The following CYP2B6 variants were observed in gnomAD, a reference collection of about 807,000 sequenced individuals.
CYP2B6 encodes cytochrome P450 2B6.
In CYP2B6, 35 loss-of-function variants were observed where a neutral mutation model predicts 43.4. The ratio of observed to expected loss-of-function variants is 0.81; its 90% CI spans 0.62 to 1.07. The LOEUF (loss-of-function observed/expected upper bound fraction) is 1.07, where lower values mean the gene tolerates loss of function less well. Among genes scored for constraint, CYP2B6 ranks in the 50% least tolerant of loss-of-function variants. CYP2B6 has a pLI of 0.00. For missense variants in CYP2B6, 624 were observed against 632.8 expected (o/e 0.99, Z 0.15); for synonymous variants, 239 against 239.2 (o/e 1.00, Z 0.01).
In CYP2B6 at chr19:40,991,431, C is replaced by A. The variant is rs1467154235; in HGVS notation, c.126C>A (p.Asn42Lys). The change falls in exon 1 of 9, where the codon AAC becomes AAA. Residue 42 changes from asparagine to lysine, a missense_variant. Coordinates refer to ENST00000324071, the MANE Select transcript of CYP2B6 (RefSeq NM_000767.5). ...PGPRPLPLLG[N>K]LLQMDRRGLL... is the part of the protein sequence containing the mutation. ...CCCGCCCTCTGCCCCTTTTGGGAAACCTTCTGCAGATGGATAGAAGAGGCC... is the reference window on the plus strand; with the variant it reads ...CCCGCCCTCTGCCCCTTTTGGGAAAACTTCTGCAGATGGATAGAAGAGGCC... 6.2e-7 allele frequency: 1 copy of A among 1,614,036 alleles called. No individual in the cohort carries two copies. Among genetic ancestry groups the A allele is most frequent in the East Asian group, 2.2e-5 (1 of 44,882 alleles).
intron 1 of CYP2B6, among the ~76,000 whole-genome samples, chr19:41,001,958 G>T (rs1290521155): frequency 6.6e-6 from 1 of 151,548 alleles, no homozygotes; most frequent in Non-Finnish European, 1.5e-5. Flanking sequence ...TTTCTGAGCA[G>T]AGACAATGAA....
chr19:41,011,282 A>G (rs772413578), intron 6 of CYP2B6, among the ~76,000 whole-genome samples: 2 of 152,202 alleles, frequency 1.3e-5, no homozygotes, highest in Non-Finnish European at 2.9e-5. Context: ...TTATCATTCA[A>G]TCCAGCCTTT....
rs28969416 is a variant in CYP2B6 at position 41,017,188 on chromosome 19, A to G, written c.*361A>G. 363 of 167,922 alleles carry G rather than the reference A, an allele frequency of 2.2e-3. 2 individuals carry two copies. Among genetic ancestry groups the G allele is most frequent in the African/African-American group, 5.3e-3 (219 of 41,618 alleles). 10.4% of individuals were successfully genotyped at this position (167,922 alleles called of 1,614,324 possible). On this transcript the variant is annotated 3_prime_UTR_variant, in exon 9 of 9. Coordinates refer to ENST00000324071, the MANE Select transcript of CYP2B6 (RefSeq NM_000767.5). ...CTCCCTAGTAGCTGGGATTACAGGC[A>G]TGCACTACCACGCTTGGCTAATTTT...
At chr19:41,014,782 AAGAGAGAGAGACAC>A (rs973909318) in intron 8 of CYP2B6, among the ~76,000 whole-genome samples, 4 of 151,368 alleles carry the variant, frequency 2.6e-5, no homozygotes, top group African/African-American at 9.7e-5. Flanking sequence ...TACAGAGAGG[AAGAGAGAGAGACAC>A]AGAGAGAGAG....
In CYP2B6 at chr19:41,016,792, C is replaced by T; in HGVS notation, c.1441C>T (p.Pro481Ser). The T allele has an allele frequency of 6.2e-7, 1 of 1,614,066 alleles. No individual in the cohort carries two copies. Among genetic ancestry groups the T allele is most frequent in the Non-Finnish European group, 8.5e-7 (1 of 1,179,988 alleles). The change falls in exon 9 of 9, where the codon CCC (proline) becomes TCC (serine). Residue 481 changes from proline to serine, a missense_variant. Coordinates refer to ENST00000324071, the MANE Select transcript of CYP2B6 (RefSeq NM_000767.5). Reference protein sequence around the residue: ...TPQECGVGKIPPTYQIRFLPR With the variant: ...TPQECGVGKISPTYQIRFLPR Reference sequence around the variant, plus strand: ...CCAGGAGTGTGGTGTGGGCAAAATACCCCCAACATACCAGATCCGCTTCCT... The same window carrying T: ...CCAGGAGTGTGGTGTGGGCAAAATATCCCCAACATACCAGATCCGCTTCCT...
chr19:41,006,646 G>A (rs1969192272), intron 3 of CYP2B6, among the ~76,000 whole-genome samples: 1 of 152,052 alleles, frequency 6.6e-6, no homozygotes, highest in South Asian at 2.1e-4. Flanking sequence ...GAGTAGCTGT[G>A]CAACTTTGGT....
intron 4 of CYP2B6, among the ~76,000 whole-genome samples, chr19:41,008,149 T>G (rs938629803): frequency 2.0e-5 from 3 of 151,912 alleles, no homozygotes; most frequent in Non-Finnish European, 4.4e-5. Flanking sequence ...AACCTGGAAA[T>G]ATGCCTATTA....
Position 40,991,376 on chromosome 19 carries a change from C to CT in CYP2B6, c.72dup (p.Asn25Ter), listed in dbSNP as rs751315964. ...TTGCTACTCCTGGTTCAGCGCCACCCTAACACCCATGACCGCCTCCCACCA... is the reference window on the plus strand; with the variant it reads ...TTGCTACTCCTGGTTCAGCGCCACCCTTAACACCCATGACCGCCTCCCACCA... On this transcript the variant is annotated frameshift_variant, in exon 1 of 9. Coordinates refer to ENST00000324071, the MANE Select transcript of CYP2B6 (RefSeq NM_000767.5). LOFTEE classifies it high-confidence loss of function. 3.7e-5 allele frequency: 59 copies of CT among 1,613,968 alleles called. No individual in the cohort carries two copies. Among genetic ancestry groups the CT allele is most frequent in the Non-Finnish European group, 4.8e-5 (57 of 1,180,014 alleles).
At chr19:40,991,857 C>T (rs1254874722) in intron 1 of CYP2B6, among the ~76,000 whole-genome samples, 1 of 152,040 alleles carries the variant, frequency 6.6e-6, no homozygotes, top group Admixed American at 6.6e-5. Context: ...CCTGTGTGGA[C>T]TGAAAGCCCA....
At chr19:40,999,831 A>G (rs1462311619) in intron 1 of CYP2B6, among the ~76,000 whole-genome samples, 1 of 152,040 alleles carries the variant, frequency 6.6e-6, no homozygotes, top group Non-Finnish European at 1.5e-5. Flanking sequence ...TGGGACTAAA[A>G]GTGTGAGCCA....
chr19:41,009,649 G>A (rs1969247287), intron 5 of CYP2B6: 1 of 602,176 alleles, frequency 1.7e-6, no homozygotes, highest in South Asian at 2.0e-5. Flanking sequence ...AAGACAGAGG[G>A]AGAGAGAGAG....
chr19:40,996,845 G>C (rs963539145), intron 1 of CYP2B6, among the ~76,000 whole-genome samples: 1 of 152,060 alleles, frequency 6.6e-6, no homozygotes, highest in African/African-American at 2.4e-5. Flanking sequence ...CTCTAATTCA[G>C]GTACATAACA....
At chr19:40,998,778 T>C (rs2144661742) in intron 1 of CYP2B6, among the ~76,000 whole-genome samples, 1 of 109,984 alleles carries the variant, frequency 9.1e-6, no homozygotes, top group Non-Finnish European at 1.8e-5. Context: ...GGCTGCATAG[T>C]ATTCCATGGT....
chr19:40,996,513 G>A (rs1261037339), intron 1 of CYP2B6, among the ~76,000 whole-genome samples: 1 of 152,136 alleles, frequency 6.6e-6, no homozygotes, highest in African/African-American at 2.4e-5. Flanking sequence ...AGCTTCAAGT[G>A]TTCAAATGAT....
chr19:41,012,152 G>T (rs1969294387), intron 6 of CYP2B6, 146 bp from the exon 7 acceptor site: 3 of 746,626 alleles, frequency 4.0e-6, no homozygotes, highest in African/African-American at 3.5e-5. Context: ...ATTTTGCCAT[G>T]TTGGCCAGGC....
chr19:40,998,512 C>T (rs1440739318), intron 1 of CYP2B6, among the ~76,000 whole-genome samples: 10 of 149,470 alleles, frequency 6.7e-5, no homozygotes, highest in Admixed American at 4.7e-4. Context: ...CATGCTGGTG[C>T]GCTGCACCCA....
intron 2 of CYP2B6, 38 bp downstream of exon 2, chr19:41,004,201 G>A: frequency 6.2e-7 from 1 of 1,601,470 alleles, no homozygotes; most frequent in Non-Finnish European, 8.6e-7. Context: ...GGCGGGTGGG[G>A]GGTGCATCAG....
At chr19:40,998,014 A>T (rs1969022860) in intron 1 of CYP2B6, among the ~76,000 whole-genome samples, 1 of 152,066 alleles carries the variant, frequency 6.6e-6, no homozygotes, top group Non-Finnish European at 1.5e-5. Context: ...AGGCAGGAGG[A>T]TGACTTGAGC....
In CYP2B6 at chr19:41,009,643, CAGAG is replaced by C. The variant is rs1236416592; in HGVS notation, c.822+249_822+252del. ...GGAGGTGGGAAGACAGAATGAAAGA[CAGAG>C]GGAGAGAGAGAGAAGACTGGCTGAG... On this transcript the variant is annotated intron_variant, in intron 5 of 8. Coordinates refer to ENST00000324071, the MANE Select transcript of CYP2B6 (RefSeq NM_000767.5). 4.6e-5 allele frequency: 28 copies of C among 614,916 alleles called. 1 individual carries two copies. The highest frequency in any genetic ancestry group is 4.3e-4 in the South Asian group (21 of 49,174). 38.1% of individuals were successfully genotyped at this position (614,916 alleles called of 1,614,324 possible). A position where few individuals can be genotyped will look rare whatever the true frequency, so the allele number is the denominator to read the frequency against.
Sources: allele counts gnomAD v4.1 joint callset (sites outside exome capture counted in the v4.1 genomes callset), GRCh38; gene constraint gnomAD v4.1.1; transcripts MANE v1.5; gene names NCBI Gene and HGNC (gene_info 2026-07-23, HGNC 2026-07-21).